GCNT2: variants seen among roughly 807,000 people sequenced by gnomAD.
GCNT2 encodes the protein glucosaminyl (N-acetyl) transferase 2 (I blood group).
In GCNT2, 34 loss-of-function variants were observed where a neutral mutation model predicts 34.2. The ratio of observed to expected loss-of-function variants is 1.00; its 90% CI spans 0.76 to 1.32. The LOEUF (loss-of-function observed/expected upper bound fraction) is 1.32. Ranked by LOEUF, GCNT2 falls within the 40% of genes most tolerant of loss-of-function variation. The pLI is 0.00. For missense variants in GCNT2, 584 were observed against 489.4 expected (o/e 1.19, Z -1.82); for synonymous variants, 212 against 188.0 (o/e 1.13, Z -1.04).
In GCNT2 at chr6:10,590,397, C is replaced by G. The variant is rs868394396; in HGVS notation, c.926-30954C>G. On this transcript the variant is annotated intron_variant, in intron 3 of 4. Coordinates refer to ENST00000495262, the MANE Select transcript of GCNT2 (RefSeq NM_145649.5). ...TGGGTGACAGAGTGAGACTCTGTCTCAAAAAAAAAAAAAAAATGCTAGGCT... is the reference window on the plus strand; with the variant it reads ...TGGGTGACAGAGTGAGACTCTGTCTGAAAAAAAAAAAAAAAATGCTAGGCT... 2.3e-3 allele frequency among the ~76,000 whole-genome samples: 260 copies of G among 112,936 alleles called. 1 individual carries two copies. The highest frequency in any genetic ancestry group is 7.7e-3 in the African/African-American group (242 of 31,540). 74.1% of individuals were successfully genotyped at this position (112,936 alleles called of 152,430 possible). A position where few individuals can be genotyped will look rare whatever the true frequency, so the allele number is the denominator to read the frequency against.
intron 3 of GCNT2, among the ~76,000 whole-genome samples, chr6:10,541,163 C>G (rs969212976): frequency 5.9e-5 from 9 of 152,100 alleles, no homozygotes; most frequent in Admixed American, 2.0e-4. Context: ...CTGATGCTTT[C>G]CCTCTGCCAA....
intron 3 of GCNT2, among the ~76,000 whole-genome samples, chr6:10,577,836 C>T (rs911271922): frequency 7.2e-5 from 11 of 152,060 alleles, no homozygotes; most frequent in South Asian, 2.1e-4. Context: ...CTGCTGCACC[C>T]GGCCTATTGA....
intron 3 of GCNT2, among the ~76,000 whole-genome samples, chr6:10,548,672 C>T (rs1762362239): frequency 1.3e-5 from 2 of 152,126 alleles, no homozygotes; most frequent in Admixed American, 1.3e-4. Context: ...TTTTGTTCAA[C>T]ATTATGTTTG....
At chr6:10,617,437 C>G (rs1364742632) in intron 3 of GCNT2, among the ~76,000 whole-genome samples, 1 of 152,194 alleles carries the variant, frequency 6.6e-6, no homozygotes, top group Non-Finnish European at 1.5e-5. Flanking sequence ...CTGGCTCTGG[C>G]CTTGGCCAGC....
intron 3 of GCNT2, among the ~76,000 whole-genome samples, chr6:10,578,985 A>C (rs1763949671): frequency 6.6e-6 from 1 of 152,230 alleles, no homozygotes; most frequent in South Asian, 2.1e-4. Flanking sequence ...GCTTATCTTC[A>C]GAATGGATGC....
intron 3 of GCNT2, among the ~76,000 whole-genome samples, chr6:10,566,680 G>C (rs766581975): frequency 1.3e-5 from 2 of 152,234 alleles, no homozygotes; most frequent in Non-Finnish European, 2.9e-5. Context: ...GCCTATTTCT[G>C]TTTACACTTA....
chr6:10,522,577 T>C (rs1760971339), intron 1 of GCNT2, among the ~76,000 whole-genome samples: 1 of 151,988 alleles, frequency 6.6e-6, no homozygotes, highest in African/African-American at 2.4e-5. Flanking sequence ...AAGGATCTGT[T>C]TCTTTGCACT....
intron 3 of GCNT2, among the ~76,000 whole-genome samples, chr6:10,565,653 A>T (rs1763242694): frequency 6.6e-6 from 1 of 151,954 alleles, no homozygotes; most frequent in African/African-American, 2.4e-5. Context: ...GTATCTTCCT[A>T]CTTTCTTGAA....
chr6:10,556,744 C>G (rs1218213998), intron 3 of GCNT2: 1 of 1,614,044 alleles, frequency 6.2e-7, no homozygotes, highest in African/African-American at 1.3e-5. Flanking sequence ...ACTTTGACAC[C>G]TTTGCAAGGC....
chr6:10,580,237 T>G (rs964863848), intron 3 of GCNT2, among the ~76,000 whole-genome samples: 4 of 151,250 alleles, frequency 2.6e-5, no homozygotes, highest in African/African-American at 9.9e-5. Context: ...AGCCCTGGGC[T>G]CATGATCCCC....
At chr6:10,539,688 G>GT (rs1331729941) in intron 3 of GCNT2, among the ~76,000 whole-genome samples, 17 of 152,096 alleles carry the variant, frequency 1.1e-4, no homozygotes, top group African/African-American at 3.1e-4. Flanking sequence ...GATTTTTGAG[G>GT]TTTTAATGTT....
At chr6:10,613,285 C>T (rs1290210384) in intron 3 of GCNT2, among the ~76,000 whole-genome samples, 1 of 152,158 alleles carries the variant, frequency 6.6e-6, no homozygotes, top group Non-Finnish European at 1.5e-5. Flanking sequence ...ACTCTGTAAA[C>T]TTTGCCTCAA....
rs199669853 is a variant in GCNT2 at position 10,551,887 on chromosome 6, A to G, written c.925+22051A>G. 2.6e-5 allele frequency among the ~76,000 whole-genome samples: 4 copies of G among 151,856 alleles called. No individual in the cohort carries two copies. The East Asian group carries it at 7.8e-4, about 30-fold the overall frequency. The stretch of plus-strand genomic sequence containing the variant: ...ATTCTCCTGCCTCAGCCTCCCAAGT[A>G]GCTGAGATTACAGGTGCCCGCCACC... On this transcript the variant is annotated intron_variant, in intron 3 of 4. Transcript: ENST00000495262.
intron 3 of GCNT2, among the ~76,000 whole-genome samples, chr6:10,603,532 T>TGC (rs1359267037): frequency 6.6e-6 from 1 of 152,200 alleles, no homozygotes; most frequent in Non-Finnish European, 1.5e-5. Flanking sequence ...TTTTATTTTT[T>TGC]TGAGACAGAG....
chr6:10,545,465 C>T (rs970007351), intron 3 of GCNT2, among the ~76,000 whole-genome samples: 1 of 152,278 alleles, frequency 6.6e-6, no homozygotes, highest in Non-Finnish European at 1.5e-5. Flanking sequence ...CAGTTTCTGA[C>T]AGGGTTTCAT....
intron 3 of GCNT2, among the ~76,000 whole-genome samples, chr6:10,537,844 G>A (rs548084844): frequency 6.6e-6 from 1 of 152,042 alleles, no homozygotes; most frequent in South Asian, 2.1e-4. Context: ...CTACCGATGG[G>A]CAAAATCATC....
At chr6:10,562,668 A>AAC (rs1554130703) in intron 3 of GCNT2, among the ~76,000 whole-genome samples, 4 of 150,808 alleles carry the variant, frequency 2.7e-5, no homozygotes, top group Non-Finnish European at 5.9e-5. Flanking sequence ...AAAAAAAAAA[A>AAC]AAAAAAAAAC....
chr6:10,523,319 G>A (rs1441107400), intron 1 of GCNT2, among the ~76,000 whole-genome samples: 1 of 151,870 alleles, frequency 6.6e-6, no homozygotes, highest in Non-Finnish European at 1.5e-5. Context: ...CCAGCTGCTC[G>A]GGAGGCTGAG....
intron 3 of GCNT2, among the ~76,000 whole-genome samples, chr6:10,539,934 C>T (rs1461010148): frequency 5.3e-5 from 8 of 152,038 alleles, no homozygotes; most frequent in Admixed American, 2.0e-4. Flanking sequence ...AAAAGTTAAC[C>T]GGGCTTGGAG....
Sources: gnomAD v4.1 joint callset for allele counts (sites outside exome capture counted in the v4.1 genomes callset) on GRCh38, gnomAD v4.1.1 for gene constraint, MANE v1.5 for transcripts, NCBI Gene and HGNC (gene_info 2026-07-23, HGNC 2026-07-21) for gene names.